Variants in ZC3H12B observed in about 807,000 individuals in gnomAD.
ZC3H12B encodes zinc finger CCCH-type containing 12B.
A neutral mutation model predicts 43.9 loss-of-function variants in ZC3H12B; 7 were observed. The observed-to-expected ratio is 0.16, with a 90% CI of 0.09 to 0.30. The LOEUF is 0.30. Ranked by LOEUF, ZC3H12B falls within the 10% of genes least tolerant of loss-of-function variation. The probability of loss-of-function intolerance (pLI) is 1.00; values close to 1 mark genes in which losing one functional copy is unlikely to be tolerated. For synonymous variants in ZC3H12B, 222 were observed against 241.7 expected (o/e 0.92, Z 0.76); for missense variants, 475 against 670.2 (o/e 0.71, Z 3.22).
chrX:65,166,873 AC>A, the ZC3H12B span, among the ~76,000 whole-genome samples: 6 of 110,966 alleles, frequency 5.4e-5, no homozygotes, highest in African/African-American at 1.7e-4. Flanking sequence ...TCTTTCGCCC[AC>A]TTTTTGATGC....
chrX:65,371,859 T>C (rs1324421204), intron 2 of ZC3H12B, among the ~76,000 whole-genome samples: 2 of 111,686 alleles, frequency 1.8e-5, no homozygotes, highest in African/African-American at 6.5e-5. Flanking sequence ...GGATTGTCTA[T>C]CACAGTCCTT....
intron 3 of ZC3H12B, among the ~76,000 whole-genome samples, chrX:65,451,422 A>G (rs2067510097): frequency 1.8e-5 from 2 of 111,137 alleles, no homozygotes; most frequent in African/African-American, 6.5e-5. Context: ...TTTCTTTAGG[A>G]TCAGTGTCTA....
intron 3 of ZC3H12B, among the ~76,000 whole-genome samples, chrX:65,420,626 G>A (rs1327921115): frequency 1.8e-5 from 2 of 112,023 alleles, no homozygotes; most frequent in African/African-American, 6.5e-5. Context: ...TAAAGAAACA[G>A]AGACCTACAG....
At chrX:65,141,850 C>T in the ZC3H12B span, among the ~76,000 whole-genome samples, 1 of 111,873 alleles carries the variant, frequency 8.9e-6, no homozygotes. Context: ...TTAATTTATT[C>T]ATTTTCATGG....
the ZC3H12B span, among the ~76,000 whole-genome samples, chrX:65,167,591 T>G: frequency 8.9e-6 from 1 of 111,880 alleles, no homozygotes; most frequent in Admixed American, 9.5e-5. Flanking sequence ...AAGTCATTGG[T>G]AGCTTTATGG....
At chrX:65,458,622 C>T (rs1190206052) in intron 3 of ZC3H12B, among the ~76,000 whole-genome samples, 3 of 111,740 alleles carry the variant, frequency 2.7e-5, no homozygotes, top group Non-Finnish European at 5.6e-5. Context: ...GGGTACCTAA[C>T]GAAATGAAGG....
At chrX:65,192,761 G>A in the ZC3H12B span, among the ~76,000 whole-genome samples, 1 of 90,055 alleles carries the variant, frequency 1.1e-5, no homozygotes, top group African/African-American at 6.0e-5. Flanking sequence ...TTTTATTGGG[G>A]ATTTTCCCAG....
At chrX:65,036,020 G>T in the ZC3H12B span, among the ~76,000 whole-genome samples, 1 of 111,151 alleles carries the variant, frequency 9.0e-6, no homozygotes, top group South Asian at 3.8e-4. Context: ...CAATAAAAGC[G>T]AGGATGGGTT....
the ZC3H12B span, among the ~76,000 whole-genome samples, chrX:65,120,601 C>A: frequency 2.7e-5 from 3 of 111,471 alleles, no homozygotes; most frequent in African/African-American, 6.5e-5. Flanking sequence ...CAAACAGGGA[C>A]AATTTGACTT....
At chrX:65,155,215 C>A in the ZC3H12B span, among the ~76,000 whole-genome samples, 2 of 110,618 alleles carry the variant, frequency 1.8e-5, no homozygotes, top group African/African-American at 6.6e-5. Flanking sequence ...ACCTTGGCCT[C>A]CCAAAATGCT....
At chrX:65,238,861 C>G in the ZC3H12B span, among the ~76,000 whole-genome samples, 1 of 111,882 alleles carries the variant, frequency 8.9e-6, no homozygotes, top group Non-Finnish European at 1.9e-5. Context: ...GATTCAGGAG[C>G]AGATTTTTCA....
chrX:65,295,094 A>G, the ZC3H12B span, among the ~76,000 whole-genome samples: 1 of 111,912 alleles, frequency 8.9e-6, no homozygotes, highest in Non-Finnish European at 1.9e-5. Context: ...AAGATAGATC[A>G]TAGGTTAGGC....
At chrX:65,162,022 A>G in the ZC3H12B span, among the ~76,000 whole-genome samples, 2 of 111,295 alleles carry the variant, frequency 1.8e-5, no homozygotes, top group Admixed American at 1.9e-4. Flanking sequence ...TCCTTCACTT[A>G]TGAAGCTTAG....
chrX:65,072,735 C>A, the ZC3H12B span, among the ~76,000 whole-genome samples: 1 of 112,104 alleles, frequency 8.9e-6, no homozygotes, highest in African/African-American at 3.2e-5. Context: ...CATGTCCTAG[C>A]AGCAGTGGCA....
At chrX:65,430,799 G>C (rs2067150824) in intron 3 of ZC3H12B, among the ~76,000 whole-genome samples, 1 of 110,815 alleles carries the variant, frequency 9.0e-6, no homozygotes, top group South Asian at 3.9e-4. Flanking sequence ...CACTTCTTTT[G>C]GCTGAGGATG....
the ZC3H12B span, among the ~76,000 whole-genome samples, chrX:65,058,277 T>C: frequency 8.9e-6 from 1 of 112,387 alleles, no homozygotes; most frequent in African/African-American, 3.2e-5. Context: ...ATGTCCTTTC[T>C]GTTTGTTTTC....
intron 3 of ZC3H12B, among the ~76,000 whole-genome samples, chrX:65,436,222 G>T (rs756635953): frequency 8.9e-6 from 1 of 111,755 alleles, no homozygotes; most frequent in African/African-American, 3.3e-5. Flanking sequence ...ACAGCAAGGG[G>T]GATGTCTGCC....
intron 3 of ZC3H12B, among the ~76,000 whole-genome samples, chrX:65,422,925 C>CTTTTTTTTTTTTTTTT (rs34567013): frequency 3.9e-4 from 18 of 46,187 alleles, no homozygotes; most frequent in Admixed American, 6.7e-4. Flanking sequence ...TCTTTCTTTG[C>CTTTTTTTTTTTTTTTT]TTTTTTTTTT....
At chrX:65,097,223 C>A in the ZC3H12B span, among the ~76,000 whole-genome samples, 1 of 111,888 alleles carries the variant, frequency 8.9e-6, no homozygotes, top group Non-Finnish European at 1.9e-5. Flanking sequence ...TATGTCAAAT[C>A]TTTAACTGAA....
Sources: allele counts gnomAD v4.1 joint callset (sites outside exome capture counted in the v4.1 genomes callset), GRCh38; gene constraint gnomAD v4.1.1; transcripts MANE v1.5; gene names NCBI Gene and HGNC (gene_info 2026-07-23, HGNC 2026-07-21).